The following MPPED2 variants were observed in gnomAD, a reference collection of about 807,000 sequenced individuals.
MPPED2 encodes the protein metallophosphoesterase MPPED2.
A neutral mutation model predicts 33.0 loss-of-function variants in MPPED2; 5 were observed. The ratio of observed to expected loss-of-function variants is 0.15; its 90% CI spans 0.08 to 0.32. The LOEUF (loss-of-function observed/expected upper bound fraction) is 0.32, where lower values mean the gene tolerates loss of function less well. Ranked by LOEUF, MPPED2 falls within the 10% of genes least tolerant of loss-of-function variation. The pLI, the probability that MPPED2 is intolerant of heterozygous loss-of-function variation, is 1.00. For synonymous variants in MPPED2, 136 were observed against 141.9 expected (o/e 0.96, Z 0.29); for missense variants, 275 against 372.1 (o/e 0.74, Z 2.15).
intron 4 of MPPED2, among the ~76,000 whole-genome samples, chr11:30,462,043 G>A (rs997175081): frequency 2.6e-5 from 4 of 152,222 alleles, no homozygotes; most frequent in Non-Finnish European, 4.4e-5. Flanking sequence ...GGATATGGGT[G>A]CTGGAGGGAG....
intron 2 of MPPED2, among the ~76,000 whole-genome samples, chr11:30,566,668 A>G (rs1382158747): frequency 6.6e-6 from 1 of 152,204 alleles, no homozygotes; most frequent in Non-Finnish European, 1.5e-5. Context: ...CATTCATTCA[A>G]CAGGTGTTGA....
At chr11:30,548,880 CCT>C (rs1287941498) in intron 2 of MPPED2, among the ~76,000 whole-genome samples, 2 of 152,128 alleles carry the variant, frequency 1.3e-5, no homozygotes, top group Non-Finnish European at 2.9e-5. Flanking sequence ...AAAGCTTGTG[CCT>C]CTCTACTTCA....
At chr11:30,532,354 G>C (rs1439234410) in intron 3 of MPPED2, among the ~76,000 whole-genome samples, 1 of 152,140 alleles carries the variant, frequency 6.6e-6, no homozygotes, top group Non-Finnish European at 1.5e-5. Flanking sequence ...CATTCTGTCT[G>C]GTTAGTGTCA....
intron 1 of MPPED2, among the ~76,000 whole-genome samples, chr11:30,583,134 C>A (rs796841879): frequency 1.0e-5 from 1 of 96,680 alleles, no homozygotes; most frequent in African/African-American, 4.8e-5. Flanking sequence ...AAGACTTTTT[C>A]TTTTTTTTTT....
chr11:30,521,573 T>C (rs1023398762), intron 3 of MPPED2, among the ~76,000 whole-genome samples: 1 of 152,236 alleles, frequency 6.6e-6, no homozygotes, highest in African/African-American at 2.4e-5. Context: ...ACAAACCTAG[T>C]TTATTTGACA....
chr11:30,439,680 T>G (rs1210756731), intron 4 of MPPED2, among the ~76,000 whole-genome samples: 1 of 152,246 alleles, frequency 6.6e-6, no homozygotes, highest in Non-Finnish European at 1.5e-5. Flanking sequence ...TACATGCTTC[T>G]TCTCATGAAT....
intron 3 of MPPED2, among the ~76,000 whole-genome samples, chr11:30,510,940 C>A (rs1953141800): frequency 6.6e-6 from 1 of 152,200 alleles, no homozygotes; most frequent in Non-Finnish European, 1.5e-5. Context: ...TACTTTTTAA[C>A]TCTGTCATGT....
At chr11:30,433,253 A>G (rs1464609777) in intron 4 of MPPED2, among the ~76,000 whole-genome samples, 1 of 152,234 alleles carries the variant, frequency 6.6e-6, no homozygotes, top group African/African-American at 2.4e-5. Context: ...AGTGAACATT[A>G]CCATAGTAAA....
chr11:30,387,398 T>C (rs1379432796), exon 7 of MPPED2: 2 of 152,198 alleles, frequency 1.3e-5, no homozygotes, highest in African/African-American at 2.4e-5. Context: ...CCTTTCAGCA[T>C]GCTTATCAGT....
At chr11:30,523,300 G>A (rs1953974837) in intron 3 of MPPED2, among the ~76,000 whole-genome samples, 1 of 152,142 alleles carries the variant, frequency 6.6e-6, no homozygotes, top group Non-Finnish European at 1.5e-5. Flanking sequence ...TATACAGGCA[G>A]GCTGGGGGGA....
intron 4 of MPPED2, among the ~76,000 whole-genome samples, chr11:30,434,062 G>A (rs1224264173): frequency 2.6e-5 from 4 of 152,070 alleles, no homozygotes; most frequent in East Asian, 1.9e-4. Flanking sequence ...CCAGCCTCCC[G>A]GTTGTGGGGA....
intron 3 of MPPED2, among the ~76,000 whole-genome samples, chr11:30,526,522 T>G (rs1954187715): frequency 1.3e-5 from 2 of 152,244 alleles, no homozygotes; most frequent in African/African-American, 4.8e-5. Context: ...AGTATTAAAC[T>G]CTCAACAGTA....
rs1209147053 is a variant in MPPED2, at chr11:30,411,437, TC to T, written c.*30del. 8 of 1,601,118 alleles carry T rather than the reference TC, an allele frequency of 5.0e-6. No individual in the cohort carries two copies. The highest frequency in any genetic ancestry group is 3.4e-5 in the Admixed American group (2 of 59,572). ...TAGAAAAATGGCAGTTTATAGACCT[TC>T]CCTCACATTCCAATAGGGCATTTAG... On this transcript the variant is annotated 3_prime_UTR_variant, in exon 7 of 7. Transcript: ENST00000358117.
In MPPED2 at chr11:30,530,968, T is replaced by G. The variant is rs573345521; in HGVS notation, c.310+5026A>C. 2.6e-5 allele frequency among the ~76,000 whole-genome samples: 4 copies of G among 152,318 alleles called. No homozygotes were observed. In the South Asian group the frequency reaches 8.3e-4, roughly 32 times the overall value. On this transcript the variant is annotated intron_variant, in intron 3 of 6. Coordinates refer to ENST00000358117, the MANE Select transcript of MPPED2 (RefSeq NM_001584.3). Reference sequence around the variant, plus strand: ...TCAAGGCAATAAAAATAATCACATTTTAACTGACAGGTACTTTATCTAGTT... The same window carrying G: ...TCAAGGCAATAAAAATAATCACATTGTAACTGACAGGTACTTTATCTAGTT...
chr11:30,526,301 G>A (rs955658951), intron 3 of MPPED2, among the ~76,000 whole-genome samples: 4 of 151,286 alleles, frequency 2.6e-5, no homozygotes, highest in African/African-American at 4.9e-5. Context: ...TACACACCAC[G>A]ACAAGGACAA....
At chr11:30,583,521 G>A (rs1420954306) in intron 1 of MPPED2, among the ~76,000 whole-genome samples, 1 of 152,092 alleles carries the variant, frequency 6.6e-6, no homozygotes, top group African/African-American at 2.4e-5. Context: ...GTGCTAGTTT[G>A]ATTTTTCTCT....
At chr11:30,579,002 C>T (rs1233386321) in intron 2 of MPPED2, among the ~76,000 whole-genome samples, 5 of 141,066 alleles carry the variant, frequency 3.5e-5, no homozygotes, top group Admixed American at 7.1e-5. Context: ...TTGTCTTTTC[C>T]TTTTTTTTTT....
chr11:30,418,526 C>T (rs762991484), intron 4 of MPPED2, among the ~76,000 whole-genome samples: 29 of 152,194 alleles, frequency 1.9e-4, no homozygotes, highest in Non-Finnish European at 2.4e-4. Context: ...CTAAGTAGTT[C>T]CCAGTGTTAT....
At chr11:30,545,874 T>TATA (rs144395100) in intron 2 of MPPED2, among the ~76,000 whole-genome samples, 58 of 138,914 alleles carry the variant, frequency 4.2e-4, no homozygotes, top group African/African-American at 1.3e-3. Context: ...CATATATATA[T>TATA]TTTTTTTAGA....
Sources: allele counts gnomAD v4.1 joint callset (sites outside exome capture counted in the v4.1 genomes callset), GRCh38; gene constraint gnomAD v4.1.1; transcripts MANE v1.5; gene names NCBI Gene and HGNC (gene_info 2026-07-23, HGNC 2026-07-21).